Variants in GRM7 observed in about 807,000 individuals in gnomAD.
The protein encoded by GRM7 is metabotropic glutamate receptor 7.
GRM7 carries 35 observed loss-of-function variants against 84.5 expected under a neutral mutation model. The ratio of observed to expected loss-of-function variants is 0.41; its 90% CI spans 0.32 to 0.55. GRM7 has a LOEUF of 0.55. Ranked by LOEUF, GRM7 falls within the 20% of genes least tolerant of loss-of-function variation. GRM7 has a pLI of 0.19. For synonymous variants in GRM7, 487 were observed against 455.1 expected (o/e 1.07, Z -0.89); for missense variants, 1,003 against 1,194.6 (o/e 0.84, Z 2.36).
intron 1 of GRM7, among the ~76,000 whole-genome samples, chr3:6,963,625 T>C (rs1693388733): frequency 6.6e-6 from 1 of 152,088 alleles, no homozygotes; most frequent in Admixed American, 6.6e-5. Flanking sequence ...ATAAAGGAAA[T>C]TTTATCCCAA....
chr3:7,237,880 T>G (rs949845433), intron 2 of GRM7, among the ~76,000 whole-genome samples: 1 of 152,096 alleles, frequency 6.6e-6, no homozygotes, highest in Middle Eastern at 3.2e-3. Context: ...TTACAAACCT[T>G]TAGCTAGACA....
intron 1 of GRM7, among the ~76,000 whole-genome samples, chr3:7,077,167 A>G (rs1698116164): frequency 6.6e-6 from 1 of 152,182 alleles, no homozygotes; most frequent in Non-Finnish European, 1.5e-5. Flanking sequence ...CAGTGTGGCA[A>G]TTCCTGAAAG....
chr3:7,738,329 A>T (rs1702572813), intron 9 of GRM7, among the ~76,000 whole-genome samples: 1 of 152,154 alleles, frequency 6.6e-6, no homozygotes, highest in Admixed American at 6.5e-5. Flanking sequence ...CTAGTTCTGG[A>T]TTGCTTGTTC....
chr3:7,386,668 A>G (rs953989818), intron 4 of GRM7, among the ~76,000 whole-genome samples: 4 of 152,146 alleles, frequency 2.6e-5, no homozygotes, highest in Non-Finnish European at 5.9e-5. Flanking sequence ...CCAATTCACC[A>G]TTAATGGGAA....
At chr3:7,097,990 C>A (rs79244762) in intron 1 of GRM7, among the ~76,000 whole-genome samples, 2,551 of 152,142 alleles carry the variant, frequency 0.017, 47 homozygotes, top group African/African-American at 0.046. Flanking sequence ...CCTGATGACA[C>A]ACACTAAAAT....
intron 1 of GRM7, among the ~76,000 whole-genome samples, chr3:6,881,101 C>G (rs1436305541): frequency 3.9e-5 from 6 of 152,072 alleles, no homozygotes; most frequent in African/African-American, 1.4e-4. Context: ...CAATTATAAA[C>G]TCATTATTCC....
Position 7,678,523 on chromosome 3 carries a change from G to T in GRM7, c.2452-1526G>T, listed in dbSNP as rs191357724. Reference sequence around the variant, plus strand: ...AGCCTTTCTTGAACAGTGTAGGCTGGCAAGGTGGAATGACATTAAAAGTCT... The same window carrying T: ...AGCCTTTCTTGAACAGTGTAGGCTGTCAAGGTGGAATGACATTAAAAGTCT... On this transcript the variant is annotated intron_variant, in intron 8 of 9. Transcript: ENST00000357716. Among the ~76,000 whole-genome samples the T allele has an allele frequency of 5.0e-3, 759 of 152,296 alleles. 4 individuals carry two copies. Among genetic ancestry groups the T allele is most frequent in the Non-Finnish European group, 6.6e-3 (447 of 68,026 alleles).
At chr3:7,345,828 G>A (rs1266638366) in intron 4 of GRM7, among the ~76,000 whole-genome samples, 2 of 125,962 alleles carry the variant, frequency 1.6e-5, no homozygotes, top group Non-Finnish European at 3.5e-5. Flanking sequence ...TACTCAAAGA[G>A]CCTCAAAAAA....
intron 1 of GRM7, among the ~76,000 whole-genome samples, chr3:7,038,204 T>C (rs1258416386): frequency 6.6e-6 from 1 of 152,144 alleles, no homozygotes; most frequent in Non-Finnish European, 1.5e-5. Flanking sequence ...GTTTTGAAAG[T>C]CTTAAACTCT....
At chr3:7,225,632 A>T (rs1259038324) in intron 2 of GRM7, among the ~76,000 whole-genome samples, 1 of 150,686 alleles carries the variant, frequency 6.6e-6, no homozygotes, top group Non-Finnish European at 1.5e-5. Context: ...TTTTAAATGA[A>T]TTAAATTAAT....
chr3:6,981,346 G>GT (rs1487053795), intron 1 of GRM7, among the ~76,000 whole-genome samples: 2 of 152,150 alleles, frequency 1.3e-5, no homozygotes, highest in Admixed American at 1.3e-4. Context: ...TGGTGTTGAT[G>GT]TTTTTTGCCA....
intron 4 of GRM7, among the ~76,000 whole-genome samples, chr3:7,317,183 A>G (rs1017356510): frequency 6.6e-6 from 1 of 152,138 alleles, no homozygotes; most frequent in Non-Finnish European, 1.5e-5. Flanking sequence ...GTGATTGGAA[A>G]AAGTCTGGTG....
At chr3:7,256,643 AC>A (rs1208272464) in intron 2 of GRM7, among the ~76,000 whole-genome samples, 8 of 152,082 alleles carry the variant, frequency 5.3e-5, no homozygotes, top group South Asian at 2.1e-4. Flanking sequence ...GCACACACAC[AC>A]ATACACACAC....
chr3:7,225,850 A>G (rs1696966105), intron 2 of GRM7, among the ~76,000 whole-genome samples: 1 of 152,104 alleles, frequency 6.6e-6, no homozygotes, highest in Non-Finnish European at 1.5e-5. Flanking sequence ...TGGTACCTGG[A>G]ATATCACCTC....
chr3:7,653,995 A>G (rs763896810), intron 8 of GRM7, among the ~76,000 whole-genome samples: 1 of 152,252 alleles, frequency 6.6e-6, no homozygotes, highest in Non-Finnish European at 1.5e-5. Context: ...TTGATGTGAC[A>G]GCACTTTTGC....
intron 1 of GRM7, among the ~76,000 whole-genome samples, chr3:7,064,188 C>G (rs964382794): frequency 7.3e-5 from 11 of 150,932 alleles, no homozygotes; most frequent in Non-Finnish European, 1.6e-4. Context: ...GCACCTATCA[C>G]CCATCTATAC....
At chr3:7,267,278 C>A (rs1020587590) in intron 2 of GRM7, among the ~76,000 whole-genome samples, 3 of 152,146 alleles carry the variant, frequency 2.0e-5, no homozygotes, top group Non-Finnish European at 4.4e-5. Context: ...TTTGCAAGAA[C>A]AGAAAGCTGA....
Position 6,862,746 on chromosome 3 carries a change from A to G in GRM7, c.519+839A>G, listed in dbSNP as rs1574938101. ...CTCCCCCCCGCCCCCCTCACCCACT[A>G]TCTCCCTGACGCAGACCCCAAGCCA... On this transcript the variant is annotated intron_variant, in intron 1 of 9. Transcript: ENST00000357716. The surrounding 1 kb of genome is among the most constrained non-coding windows in gnomAD (Gnocchi z 5.2). 2 of 270,256 alleles carry G rather than the reference A, an allele frequency of 7.4e-6. No homozygotes were observed. Among genetic ancestry groups the G allele is most frequent in the East Asian group, 1.4e-4 (1 of 7,228 alleles). 16.7% of individuals were successfully genotyped at this position (270,256 alleles called of 1,614,324 possible).
At chr3:7,673,887 A>G (rs544946883) in intron 8 of GRM7, among the ~76,000 whole-genome samples, 11 of 152,298 alleles carry the variant, frequency 7.2e-5, no homozygotes, top group African/African-American at 2.2e-4. Context: ...TAATAGATCA[A>G]TTTCTTCAGG....
Sources: allele counts gnomAD v4.1 joint callset (sites outside exome capture counted in the v4.1 genomes callset), GRCh38; gene constraint gnomAD v4.1.1; non-coding constraint Gnocchi (gnomAD v3.1); transcripts MANE v1.5; gene names NCBI Gene and HGNC (gene_info 2026-07-23, HGNC 2026-07-21).